The following PTPRD variants were observed in gnomAD, a reference collection of about 807,000 sequenced individuals.
PTPRD encodes receptor-type tyrosine-protein phosphatase delta.
A neutral mutation model predicts 214.5 loss-of-function variants in PTPRD; 34 were observed. That is an observed-to-expected ratio of 0.16 (90% CI 0.12 to 0.21). The LOEUF (loss-of-function observed/expected upper bound fraction) is 0.21. Among genes scored for constraint, PTPRD ranks in the 10% least tolerant of loss-of-function variants. PTPRD has a pLI of 1.00. For missense variants in PTPRD, 2,545 were observed against 2,398.7 expected, an observed-to-expected ratio of 1.06 and a Z score of -1.27; for synonymous variants, 1,128 against 845.7, an observed-to-expected ratio of 1.33 and a Z score of -5.79.
chr9:10,301,630 T>C (rs1399128480), intron 3 of PTPRD, among the ~76,000 whole-genome samples: 2 of 151,896 alleles, frequency 1.3e-5, no homozygotes. Flanking sequence ...CATACACAAG[T>C]ATCAATAGCC....
intron 9 of PTPRD, among the ~76,000 whole-genome samples, chr9:9,375,686 T>C (rs2060593736): frequency 6.6e-6 from 1 of 152,104 alleles, no homozygotes; most frequent in African/African-American, 2.4e-5. Flanking sequence ...CTATGTGAAA[T>C]AAGTCAGAAA....
At chr9:9,942,525 G>A (rs1032638960) in intron 4 of PTPRD, among the ~76,000 whole-genome samples, 16 of 152,194 alleles carry the variant, frequency 1.1e-4, no homozygotes, top group Admixed American at 4.6e-4. Context: ...GTGTAGGAAG[G>A]TCAAGGGGCA....
chr9:10,100,166 G>C (rs1251720760), intron 3 of PTPRD, among the ~76,000 whole-genome samples: 1 of 151,532 alleles, frequency 6.6e-6, no homozygotes, highest in Non-Finnish European at 1.5e-5. Context: ...TTCCACAATT[G>C]AACAGATGGG....
chr9:10,334,496 A>G (rs2096808671), intron 3 of PTPRD, among the ~76,000 whole-genome samples: 1 of 151,538 alleles, frequency 6.6e-6, no homozygotes, highest in Non-Finnish European at 1.5e-5. Flanking sequence ...TTTCTTTCTA[A>G]GATCAGGAAT....
At chr9:9,165,131 T>C (rs2099900237) in intron 10 of PTPRD, among the ~76,000 whole-genome samples, 1 of 152,168 alleles carries the variant, frequency 6.6e-6, no homozygotes, top group Non-Finnish European at 1.5e-5. Flanking sequence ...TTTATTGAAC[T>C]TCATCTACCT....
rs139174266 is a variant in PTPRD, at chr9:9,640,795, G to A, written c.-286-66014C>T. Among the ~76,000 whole-genome samples, 821 of 152,288 alleles carry A rather than the reference G, an allele frequency of 5.4e-3. 8 individuals carry two copies. The highest frequency in any genetic ancestry group is 0.019 in the African/African-American group (791 of 41,570). ...AGAAGGGAGAAGAGAATCTTAAGAG[G>A]GTATCCTTTGGCCCTAGGCCATCTA... On this transcript the variant is annotated intron_variant, in intron 7 of 45. Coordinates refer to ENST00000381196, the MANE Select transcript of PTPRD (RefSeq NM_002839.4).
chr9:9,824,845 C>T (rs2052134027), intron 5 of PTPRD, among the ~76,000 whole-genome samples: 1 of 152,010 alleles, frequency 6.6e-6, no homozygotes, highest in Admixed American at 6.6e-5. Flanking sequence ...ATACAAACTG[C>T]TCTATACCAG....
intron 27 of PTPRD, among the ~76,000 whole-genome samples, chr9:8,492,266 G>T (rs779072595): frequency 1.8e-4 from 27 of 152,218 alleles, no homozygotes; most frequent in South Asian, 8.3e-4. Flanking sequence ...CTTCTAAGGG[G>T]ATTTGTTTTC....
At chr9:8,401,865 G>C (rs961291194) in intron 36 of PTPRD, among the ~76,000 whole-genome samples, 9 of 151,928 alleles carry the variant, frequency 5.9e-5, no homozygotes, top group Admixed American at 3.3e-4. Context: ...CTCAACCAAA[G>C]TCACTTAAGT....
At chr9:8,666,891 T>C (rs1356043938) in intron 12 of PTPRD, among the ~76,000 whole-genome samples, 1 of 152,210 alleles carries the variant, frequency 6.6e-6, no homozygotes, top group Non-Finnish European at 1.5e-5. Flanking sequence ...AAAAACTTAA[T>C]ATTTTCACAC....
chr9:10,098,764 T>C lies in PTPRD; in HGVS notation c.-544-64974A>G, dbSNP rs1298968487. Among the ~76,000 whole-genome samples, 4 of 151,750 alleles carry C rather than the reference T, an allele frequency of 2.6e-5. No homozygotes were observed. The East Asian group carries it at 7.8e-4, about 30-fold the overall frequency. The stretch of plus-strand genomic sequence containing the variant: ...TGACCTATTATCCTAACTTTATGGA[T>C]GAAGAAACTGCACATAAAACCAGTT... On this transcript the variant is annotated intron_variant, in intron 3 of 45. Coordinates refer to ENST00000381196, the MANE Select transcript of PTPRD (RefSeq NM_002839.4).
chr9:8,748,235 G>A (rs1203151722), intron 11 of PTPRD, among the ~76,000 whole-genome samples: 2 of 152,162 alleles, frequency 1.3e-5, no homozygotes, highest in Non-Finnish European at 2.9e-5. Context: ...GGCGGAATAA[G>A]AATCCCTAAG....
At chr9:8,622,534 T>A in intron 14 of PTPRD, among the ~76,000 whole-genome samples, 1 of 151,952 alleles carries the variant, frequency 6.6e-6, no homozygotes, top group East Asian at 1.9e-4. Context: ...ATAACTGCCT[T>A]GTCATTTTAA....
At chr9:9,398,690 G>A (rs891886330) in intron 8 of PTPRD, among the ~76,000 whole-genome samples, 5 of 151,824 alleles carry the variant, frequency 3.3e-5, no homozygotes, top group Admixed American at 3.3e-4. Context: ...AATCATATGG[G>A]AATACATTTT....
At chr9:9,836,921 C>T (rs988579244) in intron 5 of PTPRD, among the ~76,000 whole-genome samples, 1 of 152,116 alleles carries the variant, frequency 6.6e-6, no homozygotes, top group African/African-American at 2.4e-5. Context: ...GACTGTTATA[C>T]CTCTTTCAAG....
intron 2 of PTPRD, among the ~76,000 whole-genome samples, chr9:10,583,116 G>C (rs547779083): frequency 6.6e-6 from 1 of 152,186 alleles, no homozygotes; most frequent in African/African-American, 2.4e-5. Context: ...GGGTGATGCA[G>C]CAGTTAGAAC....
chr9:10,564,106 C>A (rs1017765970), intron 2 of PTPRD, among the ~76,000 whole-genome samples: 1 of 149,618 alleles, frequency 6.7e-6, no homozygotes, highest in African/African-American at 2.5e-5. Context: ...CTCAAGTAAT[C>A]CTCCCACCTC....
At chr9:10,257,546 A>G (rs1322151) in intron 3 of PTPRD, among the ~76,000 whole-genome samples, 136,015 of 152,290 alleles carry the variant, frequency 0.89, 60,785 homozygotes, top group East Asian at 0.98. Context: ...ATATCACAGA[A>G]TATTACAAAG....
At chr9:9,966,899 C>G (rs2094743229) in intron 4 of PTPRD, among the ~76,000 whole-genome samples, 1 of 152,146 alleles carries the variant, frequency 6.6e-6, no homozygotes, top group Non-Finnish European at 1.5e-5. Flanking sequence ...TTGTAGCAGG[C>G]ATTGAATAAA....
Sources: allele counts gnomAD v4.1 joint callset (sites outside exome capture counted in the v4.1 genomes callset), GRCh38; gene constraint gnomAD v4.1.1; transcripts MANE v1.5; gene names NCBI Gene and HGNC (gene_info 2026-07-23, HGNC 2026-07-21).